Variants in WDR86 observed in about 807,000 individuals in gnomAD.
WDR86 encodes the protein WD repeat domain 86.
Under a neutral mutation model 36.5 loss-of-function variants are expected in WDR86, and 30 were observed. That is an observed-to-expected ratio of 0.82 (90% CI 0.61 to 1.11). WDR86 has a LOEUF of 1.11. Ranked by LOEUF, WDR86 falls within the 50% of genes most tolerant of loss-of-function variation. The pLI is 0.00. For synonymous variants in WDR86, 255 were observed against 252.9 expected (o/e 1.01, Z -0.08); for missense variants, 545 against 561.2 (o/e 0.97, Z 0.29).
chr7:151,399,052 G>A (rs535830504), intron 2 of WDR86, among the ~76,000 whole-genome samples: 1 of 152,330 alleles, frequency 6.6e-6, no homozygotes, highest in South Asian at 2.1e-4. Context: ...GCCTGGGCAG[G>A]TCTCAGGGCC....
chr7:151,400,318 A>G, intron 1 of WDR86, 77 bp from the exon 2 acceptor site: 1 of 1,409,952 alleles, frequency 7.1e-7, no homozygotes, highest in East Asian at 2.7e-5. Context: ...ACAATGTTTG[A>G]AAAGGGAAGA....
chr7:151,390,288 A>T lies in WDR86; in HGVS notation c.727-5065T>A, dbSNP rs763345329. Among the ~76,000 whole-genome samples the T allele has an allele frequency of 4.6e-5, 7 of 152,010 alleles. No homozygotes were observed. The highest frequency in any genetic ancestry group is 8.8e-5 in the Non-Finnish European group (6 of 67,988). On this transcript the variant is annotated intron_variant, in intron 3 of 5. Transcript: ENST00000334493. The surrounding 1 kb of genome is among the most constrained non-coding windows in gnomAD (Gnocchi z 4.5). Reference sequence around the variant, plus strand: ...ACAGACCAAGCCCAGAGCTCACTGCACACCCCCCACATCAGGACCCCATCT... The same window carrying T: ...ACAGACCAAGCCCAGAGCTCACTGCTCACCCCCCACATCAGGACCCCATCT...
chr7:151,409,354 C>T lies in WDR86; in HGVS notation c.163+73G>A. The T allele has an allele frequency of 1.3e-6, 2 of 1,536,482 alleles. No homozygotes were observed. The highest frequency in any genetic ancestry group is 1.8e-6 in the Non-Finnish European group (2 of 1,137,462). On this transcript the variant is annotated intron_variant, in intron 1 of 5. Coordinates refer to ENST00000334493, the MANE Select transcript of WDR86 (RefSeq NM_198285.3). This position sits in a 1 kb window ranked among gnomAD's most constrained non-coding sequence, Gnocchi z 5.2. The stretch of plus-strand genomic sequence containing the variant: ...ACTTCTAGAAAGGGGTCTGCGGGCG[C>T]AGGAGCTGGGGTCCGCGGTCTGGGG...
intron 1 of WDR86, among the ~76,000 whole-genome samples, chr7:151,402,211 T>C (rs1306743298): frequency 1.3e-5 from 2 of 151,090 alleles, no homozygotes; most frequent in Non-Finnish European, 2.9e-5. Context: ...CAGCAGCCAC[T>C]AGGGCTGGAA....
intron 4 of WDR86, among the ~76,000 whole-genome samples, chr7:151,383,177 G>GT (rs1410897825): frequency 2.1e-5 from 3 of 141,344 alleles, no homozygotes; most frequent in South Asian, 2.3e-4. Context: ...GGGCGGCGGG[G>GT]TGGGGGGGGG....
chr7:151,409,942 C>G lies in WDR86; in HGVS notation c.-353G>C. The G allele has an allele frequency of 9.5e-7, 1 of 1,049,948 alleles. No homozygotes were observed. The highest frequency in any genetic ancestry group is 1.1e-6 in the Non-Finnish European group (1 of 872,516). The allele number at this position is 1,049,948 out of a possible 1,614,324, so 65.0% of individuals were successfully genotyped here. A position where few individuals can be genotyped will look rare whatever the true frequency, so the allele number is the denominator to read the frequency against. ...TGCGTCTCTGGTGCACAAGGAGCCCCCCGCCTCCTCTCGCGCCCACGGGGC... is the reference window on the plus strand; with the variant it reads ...TGCGTCTCTGGTGCACAAGGAGCCCGCCGCCTCCTCTCGCGCCCACGGGGC... On this transcript the variant is annotated 5_prime_UTR_variant, in exon 1 of 6. Transcript: ENST00000334493. The surrounding 1 kb of genome is among the most constrained non-coding windows in gnomAD (Gnocchi z 5.2).
chr7:151,398,897 ACT>A (rs1323090348), intron 2 of WDR86, among the ~76,000 whole-genome samples: 2 of 152,128 alleles, frequency 1.3e-5, no homozygotes, highest in Non-Finnish European at 2.9e-5. Context: ...CCTCTGCCTG[ACT>A]CACAGGAGGG....
chr7:151,380,126 TCTC>T (rs1241276611), downstream of WDR86, among the ~76,000 whole-genome samples: 4 of 152,128 alleles, frequency 2.6e-5, no homozygotes, highest in Admixed American at 2.6e-4. Context: ...TTCTGCGGGT[TCTC>T]CTGCACCGAT....
chr7:151,387,009 G>A (rs1004688939), intron 3 of WDR86, among the ~76,000 whole-genome samples: 2 of 152,152 alleles, frequency 1.3e-5, no homozygotes, highest in Admixed American at 6.5e-5. Context: ...TCTGTGTCCC[G>A]GAGGCTGGGC....
In WDR86 at chr7:151,400,180, G is replaced by A. The variant is rs781326293; in HGVS notation, c.225C>T (p.Ala75=). 8.1e-6 allele frequency: 13 copies of A among 1,611,814 alleles called. No individual in the cohort carries two copies. Among genetic ancestry groups the A allele is most frequent in the African/African-American group, 4.0e-5 (3 of 74,990 alleles). ...LEDEAAFTCS[A]DCTIRRWDVL... Reference sequence around the variant, plus strand: ...CGTCCCACCTCCTGATGGTGCAGTCGGCGCTGCATGTGAAGGCAGCCTCAT... The same window carrying A: ...CGTCCCACCTCCTGATGGTGCAGTCAGCGCTGCATGTGAAGGCAGCCTCAT... Residue 75 remains alanine (A), a synonymous_variant, in exon 2 of 6, where the codon GCC becomes GCT. Transcript: ENST00000334493.
At chr7:151,376,028 C>T (rs538363705) in exon 2 of WDR86, 4 of 849,560 alleles carry the variant, frequency 4.7e-6, no homozygotes, top group East Asian at 5.0e-5. Flanking sequence ...GGCAGCAGGA[C>T]TGGGGGAGTC....
chr7:151,393,708 C>T (rs1200212637), intron 3 of WDR86, among the ~76,000 whole-genome samples: 1 of 152,154 alleles, frequency 6.6e-6, no homozygotes, highest in African/African-American at 2.4e-5. Context: ...GGGTCTCAGC[C>T]TCACTCCATA....
chr7:151,392,671 C>T (rs1381958433), intron 3 of WDR86, among the ~76,000 whole-genome samples: 1 of 152,206 alleles, frequency 6.6e-6, no homozygotes, highest in Non-Finnish European at 1.5e-5. Flanking sequence ...GGCTCCGGGG[C>T]CACCGGCCGC....
intron 2 of WDR86, 147 bp downstream of exon 2, chr7:151,399,953 G>GCTA: frequency 3.1e-6 from 2 of 652,666 alleles, no homozygotes; most frequent in Non-Finnish European, 4.7e-6. Flanking sequence ...GTCGCTGGGT[G>GCTA]CTACTGACCA....
intron 1 of WDR86, chr7:151,408,780 T>C: frequency 7.2e-6 from 3 of 417,218 alleles, no homozygotes; most frequent in Non-Finnish European, 1.5e-5. Flanking sequence ...CCTGAGTGAG[T>C]ACAGGGCACA....
intron 2 of WDR86, 60 bp from the exon 3 acceptor site, chr7:151,396,256 C>T: frequency 3.2e-6 from 5 of 1,579,666 alleles, no homozygotes; most frequent in Non-Finnish European, 4.3e-6. Flanking sequence ...ATCCACACAG[C>T]CTCCCGACAT....
downstream of WDR86, among the ~76,000 whole-genome samples, chr7:151,379,978 G>A (rs373693536): frequency 6.6e-6 from 1 of 152,240 alleles, no homozygotes. Flanking sequence ...CCTTCAGCAC[G>A]ATGGAAAGGT....
Position 151,381,318 on chromosome 7 carries a change from T to A in WDR86, c.*264A>T, listed in dbSNP as rs1303787448. On this transcript the variant is annotated 3_prime_UTR_variant, in exon 6 of 6. Coordinates refer to ENST00000334493, the MANE Select transcript of WDR86 (RefSeq NM_198285.3). This position sits in a 1 kb window ranked among gnomAD's most constrained non-coding sequence, Gnocchi z 4.8. ...GTGGGAGGGTCCCCAGGACTAGGCCTTTCGCCAGGTCAGGGATGGGGAGGG... is the reference window on the plus strand; with the variant it reads ...GTGGGAGGGTCCCCAGGACTAGGCCATTCGCCAGGTCAGGGATGGGGAGGG... The A allele has an allele frequency of 1.5e-6, 2 of 1,351,842 alleles. No homozygotes were observed. The highest frequency in any genetic ancestry group is 1.9e-6 in the Non-Finnish European group (2 of 1,057,968). 83.7% of individuals were successfully genotyped at this position (1,351,842 alleles called of 1,614,324 possible). A position where few individuals can be genotyped will look rare whatever the true frequency, so the allele number is the denominator to read the frequency against.
chr7:151,370,909 A>C (rs1163264118), downstream of WDR86, among the ~76,000 whole-genome samples: 1 of 152,156 alleles, frequency 6.6e-6, no homozygotes, highest in Non-Finnish European at 1.5e-5. Flanking sequence ...TCACTGTATA[A>C]GACTATAGTT....
Sources: allele counts gnomAD v4.1 joint callset (sites outside exome capture counted in the v4.1 genomes callset), GRCh38; gene constraint gnomAD v4.1.1; non-coding constraint Gnocchi (gnomAD v3.1); transcripts MANE v1.5; gene names NCBI Gene and HGNC (gene_info 2026-07-23, HGNC 2026-07-21).